BICDL1: variants seen among roughly 807,000 people sequenced by gnomAD.
BICDL1 encodes the protein BICD family like cargo adaptor 1.
A neutral mutation model predicts 76.8 loss-of-function variants in BICDL1; 20 were observed. The observed-to-expected ratio is 0.26, with a 90% CI of 0.18 to 0.38. The LOEUF (loss-of-function observed/expected upper bound fraction) is 0.38. Ranked by LOEUF, BICDL1 falls within the 10% of genes least tolerant of loss-of-function variation. The probability of loss-of-function intolerance (pLI) is 1.00; values close to 1 mark genes in which losing one functional copy is unlikely to be tolerated. For synonymous variants in BICDL1, 383 were observed against 337.1 expected, an observed-to-expected ratio of 1.14 and a Z score of -1.49; for missense variants, 700 against 798.6, an observed-to-expected ratio of 0.88 and a Z score of 1.49.
intron 6 of BICDL1, among the ~76,000 whole-genome samples, chr12:120,073,754 T>A (rs1279839791): frequency 6.6e-6 from 1 of 152,190 alleles, no homozygotes; most frequent in Admixed American, 6.5e-5. Flanking sequence ...CCATGCCGTA[T>A]TGATCTGTGG....
chr12:120,073,001 G>A (rs1204979643), intron 6 of BICDL1, among the ~76,000 whole-genome samples: 1 of 152,214 alleles, frequency 6.6e-6, no homozygotes, highest in Non-Finnish European at 1.5e-5. Context: ...TCCCTGAGTA[G>A]CTGGGATTAC....
chr12:120,038,291 TAGTG>T (rs962567721), intron 2 of BICDL1, among the ~76,000 whole-genome samples: 3 of 152,340 alleles, frequency 2.0e-5, no homozygotes, highest in African/African-American at 7.2e-5. Context: ...TGAGAAAACA[TAGTG>T]AGCATTTTGA....
intron 8 of BICDL1, among the ~76,000 whole-genome samples, chr12:120,083,305 G>A (rs767986756): frequency 2.6e-5 from 4 of 152,142 alleles, no homozygotes; most frequent in Admixed American, 6.5e-5. Flanking sequence ...CACCCAGGCT[G>A]TAGTATAGTG....
chr12:120,092,392 G>A (rs1447748089), intron 9 of BICDL1: 26 of 985,370 alleles, frequency 2.6e-5, no homozygotes, highest in Non-Finnish European at 2.8e-5. Flanking sequence ...AGACCGTGAG[G>A]CCCCTGGCCT....
At chr12:120,025,664 C>T (rs545742598) in intron 2 of BICDL1, among the ~76,000 whole-genome samples, 2 of 152,188 alleles carry the variant, frequency 1.3e-5, no homozygotes, top group East Asian at 3.9e-4. Flanking sequence ...TACAGGTTAC[C>T]ATATATCAAT....
chr12:120,092,961 A>G (rs774716947), intron 9 of BICDL1, 39 bp from the exon 10 acceptor site: 1 of 1,508,646 alleles, frequency 6.6e-7, no homozygotes, highest in Non-Finnish European at 8.9e-7. Context: ...AGGTGAGAGC[A>G]GCTACTCAGT....
chr12:120,023,790 G>GAAA (rs371485975), intron 2 of BICDL1, among the ~76,000 whole-genome samples: 2 of 124,076 alleles, frequency 1.6e-5, no homozygotes, highest in African/African-American at 5.9e-5. Context: ...ATTCCATCTC[G>GAAA]AAAAAAAAAA....
intron 2 of BICDL1, among the ~76,000 whole-genome samples, chr12:120,038,054 C>T (rs1236639371): frequency 1.3e-5 from 2 of 152,180 alleles, no homozygotes; most frequent in Non-Finnish European, 2.9e-5. Context: ...GCTTTTGAAG[C>T]CCTGGGTAGA....
At chr12:120,008,629 C>T (rs1035281229) in intron 2 of BICDL1, among the ~76,000 whole-genome samples, 1 of 152,156 alleles carries the variant, frequency 6.6e-6, no homozygotes, top group Non-Finnish European at 1.5e-5. Flanking sequence ...ATATGTATTT[C>T]TATCTCATTG....
chr12:120,054,193 C>T (rs1203517513), intron 2 of BICDL1, among the ~76,000 whole-genome samples: 2 of 151,966 alleles, frequency 1.3e-5, no homozygotes, highest in Non-Finnish European at 2.9e-5. Flanking sequence ...CTGCCTCAGC[C>T]TCCCGAGTAG....
At chr12:120,089,236 G>C (rs746723396) in intron 8 of BICDL1, among the ~76,000 whole-genome samples, 36 of 152,126 alleles carry the variant, frequency 2.4e-4, no homozygotes, top group Non-Finnish European at 4.7e-4. Context: ...TCCCCTCTGG[G>C]TTCCAGTCCT....
chr12:120,038,390 C>CAT (rs1221876798), intron 2 of BICDL1, among the ~76,000 whole-genome samples: 1 of 152,040 alleles, frequency 6.6e-6, no homozygotes, highest in East Asian at 1.9e-4. Context: ...ACACATCCTA[C>CAT]AGTTGATTAT....
At chr12:120,064,245 G>A (rs1409556058) in intron 3 of BICDL1, among the ~76,000 whole-genome samples, 1 of 152,120 alleles carries the variant, frequency 6.6e-6, no homozygotes, top group Non-Finnish European at 1.5e-5. Flanking sequence ...TGCCAGAGGG[G>A]CCAGGAGCGG....
At chr12:120,028,870 C>G (rs1055314979) in intron 2 of BICDL1, among the ~76,000 whole-genome samples, 1 of 151,808 alleles carries the variant, frequency 6.6e-6, no homozygotes, top group Non-Finnish European at 1.5e-5. Context: ...AAGAAAAAAC[C>G]AAGAAAATGT....
intron 4 of BICDL1, among the ~76,000 whole-genome samples, chr12:120,068,870 C>T (rs1482706865): frequency 1.3e-5 from 2 of 152,108 alleles, no homozygotes; most frequent in Non-Finnish European, 2.9e-5. Context: ...AGTAACCTCC[C>T]CAGAGAGTTG....
intron 2 of BICDL1, among the ~76,000 whole-genome samples, chr12:120,050,633 G>A (rs1180000845): frequency 3.3e-5 from 5 of 150,766 alleles, no homozygotes; most frequent in African/African-American, 9.8e-5. Context: ...TACCCATTGG[G>A]TTTTGTGACA....
chr12:120,058,825 A>G (rs1953040536), intron 2 of BICDL1, among the ~76,000 whole-genome samples: 1 of 151,782 alleles, frequency 6.6e-6, no homozygotes, highest in South Asian at 2.1e-4. Flanking sequence ...TCCTTACCTC[A>G]GGTGATCCAC....
intron 3 of BICDL1, 137 bp from the exon 4 acceptor site, chr12:120,064,596 C>A: frequency 1.3e-6 from 1 of 797,806 alleles, no homozygotes; most frequent in Non-Finnish European, 1.9e-6. Flanking sequence ...TAGCTATTCT[C>A]TCAGAGATGG....
At chr12:120,011,606 C>T (rs1345799224) in intron 2 of BICDL1, among the ~76,000 whole-genome samples, 1 of 152,062 alleles carries the variant, frequency 6.6e-6, no homozygotes, top group Non-Finnish European at 1.5e-5. Flanking sequence ...GAAGTTATAA[C>T]TTGATCCAGA....
Sources: gnomAD v4.1 joint callset for allele counts (sites outside exome capture counted in the v4.1 genomes callset) on GRCh38, gnomAD v4.1.1 for gene constraint, MANE v1.5 for transcripts, NCBI Gene and HGNC (gene_info 2026-07-23, HGNC 2026-07-21) for gene names.